The following NAALADL2 variants were observed in gnomAD, a reference collection of about 807,000 sequenced individuals.
NAALADL2 encodes inactive N-acetylated-alpha-linked acidic dipeptidase-like protein 2.
Under a neutral mutation model 87.2 loss-of-function variants are expected in NAALADL2, and 76 were observed. The ratio of observed to expected loss-of-function variants is 0.87; its 90% CI spans 0.72 to 1.05. The LOEUF is 1.05. NAALADL2 is among the 50% of genes least tolerant of loss of function. The probability of loss-of-function intolerance (pLI) is 0.00; values close to 1 mark genes in which losing one functional copy is unlikely to be tolerated. For missense variants in NAALADL2, 1,089 were observed against 945.8 expected (o/e 1.15, Z -1.99); for synonymous variants, 354 against 331.0 (o/e 1.07, Z -0.75).
At chr3:174,840,574 C>T (rs2293204) in intron 3 of NAALADL2, among the ~76,000 whole-genome samples, 108,136 of 152,012 alleles carry the variant, frequency 0.71, 39,362 homozygotes, top group African/African-American at 0.87. Context: ...TACTTTTTCT[C>T]AAAGTTGTTC....
chr3:175,771,235 C>A (rs1333810306), intron 13 of NAALADL2, among the ~76,000 whole-genome samples: 4 of 152,074 alleles, frequency 2.6e-5, no homozygotes, highest in African/African-American at 4.8e-5. Flanking sequence ...ATGTTGCATA[C>A]AATTTCGATT....
At chr3:175,304,269 G>T (rs981453563) in intron 4 of NAALADL2, among the ~76,000 whole-genome samples, 1 of 152,102 alleles carries the variant, frequency 6.6e-6, no homozygotes, top group African/African-American at 2.4e-5. Flanking sequence ...ATGCGGAAAT[G>T]AATTTATTAG....
rs1425058052 is a variant in NAALADL2, at chr3:175,479,385, A to G, written c.1653+7627A>G. On this transcript the variant is annotated intron_variant, in intron 9 of 13. Coordinates refer to ENST00000454872, the MANE Select transcript of NAALADL2 (RefSeq NM_207015.3). ...TACAAAGTAGAACCTTCAGTATGTT[A>G]TCTTGCATTATAAAGATCCAAAGCT... 2.0e-5 allele frequency among the ~76,000 whole-genome samples: 3 copies of G among 151,860 alleles called. No individual in the cohort carries two copies. In the East Asian group the frequency reaches 5.8e-4, roughly 29 times the overall value.
chr3:175,782,117 T>C (rs1168164827), intron 13 of NAALADL2, among the ~76,000 whole-genome samples: 5 of 150,962 alleles, frequency 3.3e-5, no homozygotes, highest in Admixed American at 6.6e-5. Context: ...GTTGGACATT[T>C]GGGTTGGTTC....
chr3:174,667,416 C>T (rs777654557), intron 2 of NAALADL2, among the ~76,000 whole-genome samples: 1 of 152,032 alleles, frequency 6.6e-6, no homozygotes, highest in Non-Finnish European at 1.5e-5. Flanking sequence ...TGAATATACA[C>T]AGGGGAGGAA....
intron 1 of NAALADL2, among the ~76,000 whole-genome samples, chr3:175,074,063 C>G (rs1030606929): frequency 6.6e-5 from 10 of 151,732 alleles, no homozygotes; most frequent in African/African-American, 2.4e-4. Flanking sequence ...GGGATTTTAG[C>G]TTTTTTTTAC....
intron 1 of NAALADL2, among the ~76,000 whole-genome samples, chr3:175,035,330 G>A (rs986721667): frequency 8.5e-5 from 13 of 152,168 alleles, no homozygotes; most frequent in African/African-American, 2.9e-4. Flanking sequence ...ATAGAAGGAC[G>A]AAGATAATTT....
intron 5 of NAALADL2, among the ~76,000 whole-genome samples, chr3:175,340,706 A>G (rs759783970): frequency 1.1e-4 from 17 of 152,182 alleles, no homozygotes; most frequent in Non-Finnish European, 1.8e-4. Context: ...TACAGATGCA[A>G]TTAACATGAT....
At chr3:175,324,069 A>C (rs535074134) in intron 4 of NAALADL2, 106 bp from the exon 5 acceptor site, 4 of 832,516 alleles carry the variant, frequency 4.8e-6, no homozygotes, top group Non-Finnish European at 7.4e-6. Flanking sequence ...AAAGAAAAAA[A>C]AACTGGAAAA....
chr3:175,779,344 G>A (rs968199055), intron 13 of NAALADL2, among the ~76,000 whole-genome samples: 1 of 152,178 alleles, frequency 6.6e-6, no homozygotes, highest in East Asian at 1.9e-4. Context: ...ATGGGAAACA[G>A]CATGAACTGT....
intron 9 of NAALADL2, among the ~76,000 whole-genome samples, chr3:175,495,387 C>G (rs1437867092): frequency 2.6e-5 from 4 of 152,036 alleles, no homozygotes; most frequent in Admixed American, 2.6e-4. Context: ...TGTACTATGT[C>G]CAATTCATTC....
chr3:174,635,503 G>A (rs1406762477), intron 2 of NAALADL2, among the ~76,000 whole-genome samples: 1 of 104,626 alleles, frequency 9.6e-6, no homozygotes, highest in African/African-American at 4.7e-5. Flanking sequence ...GGTGGTGGTT[G>A]TGGTTTTTTT....
chr3:175,638,332 ACTT>A (rs937095944), intron 11 of NAALADL2, among the ~76,000 whole-genome samples: 14 of 152,134 alleles, frequency 9.2e-5, no homozygotes, highest in African/African-American at 1.4e-4. Flanking sequence ...GAAGATTCAG[ACTT>A]CTTCTTCTAT....
At chr3:174,859,710 T>A (rs1280741929) in intron 1 of NAALADL2, among the ~76,000 whole-genome samples, 1 of 151,982 alleles carries the variant, frequency 6.6e-6, no homozygotes, top group East Asian at 1.9e-4. Flanking sequence ...CCGTGGAGGG[T>A]ATGGAAAGCT....
intron 9 of NAALADL2, among the ~76,000 whole-genome samples, chr3:175,563,478 G>A (rs542794490): frequency 4.6e-5 from 7 of 152,264 alleles, no homozygotes; most frequent in South Asian, 2.1e-4. Context: ...TTGGCACTCC[G>A]AGTCTAATTA....
chr3:174,682,264 A>G (rs1311967519), intron 2 of NAALADL2, among the ~76,000 whole-genome samples: 1 of 152,200 alleles, frequency 6.6e-6, no homozygotes, highest in East Asian at 1.9e-4. Context: ...GAGTTTCCTG[A>G]GGTTTCCAGA....
chr3:175,043,434 T>C (rs1348591858), intron 1 of NAALADL2, among the ~76,000 whole-genome samples: 1 of 152,096 alleles, frequency 6.6e-6, no homozygotes, highest in Non-Finnish European at 1.5e-5. Context: ...AGATGGGATT[T>C]TATCACATTT....
chr3:175,090,984 T>A (rs1438866167), intron 1 of NAALADL2, among the ~76,000 whole-genome samples: 1 of 149,160 alleles, frequency 6.7e-6, no homozygotes, highest in East Asian at 2.0e-4. Context: ...AAAAAAAAAA[T>A]ATCATTATAC....
At chr3:175,732,224 A>G (rs1362741838) in intron 11 of NAALADL2, among the ~76,000 whole-genome samples, 1 of 152,180 alleles carries the variant, frequency 6.6e-6, no homozygotes, top group Non-Finnish European at 1.5e-5. Flanking sequence ...CAGGCAGGCT[A>G]ATAGGAGAAA....
Sources: gnomAD v4.1 joint callset for allele counts (sites outside exome capture counted in the v4.1 genomes callset) on GRCh38, gnomAD v4.1.1 for gene constraint, MANE v1.5 for transcripts, NCBI Gene and HGNC (gene_info 2026-07-23, HGNC 2026-07-21) for gene names.